RASAL1: variants seen among roughly 807,000 people sequenced by gnomAD.
The protein encoded by RASAL1 is RAS protein activator like 1.
RASAL1 carries 72 observed loss-of-function variants against 96.6 expected under a neutral mutation model. The ratio of observed to expected loss-of-function variants is 0.75; its 90% CI spans 0.62 to 0.91. The LOEUF (loss-of-function observed/expected upper bound fraction) is 0.91, where lower values mean the gene tolerates loss of function less well. Ranked by LOEUF, RASAL1 falls within the 40% of genes least tolerant of loss-of-function variation. The pLI, the probability that RASAL1 is intolerant of heterozygous loss-of-function variation, is 0.00. For missense variants in RASAL1, 1,016 were observed against 1,072.5 expected (o/e 0.95, Z 0.74); for synonymous variants, 405 against 430.4 (o/e 0.94, Z 0.73).
chr12:113,124,515 C>T, intron 4 of RASAL1, among the ~76,000 whole-genome samples: 1 of 152,302 alleles, frequency 6.6e-6, no homozygotes, highest in Non-Finnish European at 1.5e-5. Context: ...CCTCAAACTT[C>T]ACTCATTTAA....
chr12:113,116,977 T>G (rs1304158004), intron 8 of RASAL1, 96 bp downstream of exon 8: 1 of 930,716 alleles, frequency 1.1e-6, no homozygotes, highest in Non-Finnish European at 1.6e-6. Flanking sequence ...AGTGGCATAG[T>G]GATAATGTGT....
chr12:113,114,809 C>G lies in RASAL1; in HGVS notation c.1172G>C (p.Gly391Ala), dbSNP rs745371663. ...CTCAGGCTTTGCTCACCGGGTGCGG[C>G]CCAGGTCCATCTTGCAGGGATCCAG... ...MELDPCKMDL[G>A]RTRRISFKGA... is the part of the protein sequence containing the mutation. The change falls in exon 12 of 21, where the codon GGC (glycine) becomes GCC (alanine). Residue 391 changes from glycine to alanine, a missense_variant. Physicochemically the swap from Gly to Ala is moderately conservative, Grantham distance 60. Transcript: ENST00000548055. 1 of 1,613,754 alleles carries G rather than the reference C, an allele frequency of 6.2e-7. No individual in the cohort carries two copies. Among genetic ancestry groups the G allele is most frequent in the African/African-American group, 1.3e-5 (1 of 74,914 alleles).
Position 113,112,170 on chromosome 12 carries a change from CA to C in RASAL1, c.1289del (p.Val430GlyfsTer31). 3 of 1,255,598 alleles carry C rather than the reference CA, an allele frequency of 2.4e-6. No homozygotes were observed. The highest frequency in any genetic ancestry group is 3.0e-6 in the Non-Finnish European group (3 of 992,354). 77.8% of individuals were successfully genotyped at this position (1,255,598 alleles called of 1,614,324 possible). ...GPIVDAIVGS[V>X]GRCPPAMRLA... ...GGCGCATGGCGGGCGGGCAGCGCCC[CA>C]CGGAGCCCACGATGGCGTCCACGAT... On this transcript the variant is annotated frameshift_variant, in exon 13 of 21. Coordinates refer to ENST00000548055, the MANE Select transcript of RASAL1 (RefSeq NM_001301202.2). LOFTEE classifies it high-confidence loss of function.
At chr12:113,118,906 G>C (rs1399724606) in intron 7 of RASAL1, among the ~76,000 whole-genome samples, 1 of 152,122 alleles carries the variant, frequency 6.6e-6, no homozygotes, top group East Asian at 1.9e-4. Flanking sequence ...ATCTGGGCCC[G>C]TCCTGTGATC....
intron 19 of RASAL1, 69 bp from the exon 20 acceptor site, chr12:113,100,749 T>C: frequency 7.1e-7 from 1 of 1,401,056 alleles, no homozygotes; most frequent in Non-Finnish European, 1.0e-6. Context: ...CCCCAGAAAT[T>C]CTCTGAGAAA....
At chr12:113,103,480 C>A (rs1427368379) in intron 18 of RASAL1, among the ~76,000 whole-genome samples, 2 of 152,000 alleles carry the variant, frequency 1.3e-5, no homozygotes, top group African/African-American at 4.8e-5. Flanking sequence ...GTGGTACGCA[C>A]CTATAAACCC....
intron 12 of RASAL1, 33 bp from the exon 13 acceptor site, chr12:113,112,311 G>C: frequency 4.0e-6 from 5 of 1,248,880 alleles, no homozygotes; most frequent in Non-Finnish European, 5.1e-6. Context: ...TCAGCCTCGG[G>C]GCACAACATC....
At chr12:113,101,682 C>T (rs900244063) in intron 19 of RASAL1, among the ~76,000 whole-genome samples, 1 of 121,724 alleles carries the variant, frequency 8.2e-6, no homozygotes, top group Non-Finnish European at 2.0e-5. Context: ...GATCCCAAGA[C>T]CCAGTTCTGC....
chr12:113,126,353 C>A (rs1297360784), intron 4 of RASAL1, among the ~76,000 whole-genome samples: 1 of 151,838 alleles, frequency 6.6e-6, no homozygotes, highest in Non-Finnish European at 1.5e-5. Context: ...TAAAAGGCTG[C>A]AATTTGTATA....
rs747988074 is a variant in RASAL1, at chr12:113,104,287, G to A, written c.1842C>T (p.Ser614=). 1.9e-6 allele frequency: 3 copies of A among 1,571,502 alleles called. No homozygotes were observed. Among genetic ancestry groups the A allele is most frequent in the Non-Finnish European group, 2.6e-6 (3 of 1,158,338 alleles). The change falls in exon 17 of 21, where the codon TCC becomes TCT. Residue 614 remains serine (S), a synonymous_variant. Transcript: ENST00000548055. ...CGGCGCGGATGTGAGACACGGGGATGGAGTGACACATCTGGGGAAGAGGAT... is the reference window on the plus strand; with the variant it reads ...CGGCGCGGATGTGAGACACGGGGATAGAGTGACACATCTGGGGAAGAGGAT... ...SKSPEWQMCH[S]IPVSHIRAVE... is the part of the protein sequence containing the mutation.
chr12:113,118,905 C>G (rs759657276), intron 7 of RASAL1, among the ~76,000 whole-genome samples: 1 of 152,136 alleles, frequency 6.6e-6, no homozygotes, highest in Non-Finnish European at 1.5e-5. Context: ...AATCTGGGCC[C>G]GTCCTGTGAT....
At chr12:113,101,813 G>A in intron 19 of RASAL1, 76 bp downstream of exon 19, 2 of 1,525,522 alleles carry the variant, frequency 1.3e-6, no homozygotes, top group Middle Eastern at 2.0e-4. Context: ...ATGAATAAAT[G>A]GACACAGCAA....
At position 113,131,971 on chromosome 12, in the gene RASAL1, T is replaced by C. The variant is rs867463784; in HGVS notation, c.66-1030A>G. Among the ~76,000 whole-genome samples the C allele has an allele frequency of 4.5e-3, 584 of 130,300 alleles. 2 individuals are homozygous for C. The highest frequency in any genetic ancestry group is 0.015 in the Middle Eastern group (4 of 264). The allele number at this position is 130,300 out of a possible 152,430, so 85.5% of individuals were successfully genotyped here. On this transcript the variant is annotated intron_variant, in intron 1 of 20. Transcript: ENST00000548055. ...CTTCTTTCTTCTTCTTCTTCTTCTT[T>C]TTTTTTTTTTTTTTTTTTGAGACAG...
rs138494388 is a variant in RASAL1 at position 113,114,410 on chromosome 12, G to A, written c.1181+390C>T. 3.4e-3 allele frequency among the ~76,000 whole-genome samples: 511 copies of A among 150,938 alleles called. 2 individuals carry two copies. The highest frequency in any genetic ancestry group is 0.012 in the African/African-American group (493 of 41,024). On this transcript the variant is annotated intron_variant, in intron 12 of 20. Transcript: ENST00000548055. ...AATTACCTGAGCCCGGGAAGTTGAC[G>A]CTGCAGTGAGCTGTGGTCACACCAC...
chr12:113,119,912 G>A (rs1206940003), intron 5 of RASAL1, among the ~76,000 whole-genome samples: 6 of 152,148 alleles, frequency 3.9e-5, no homozygotes, highest in African/African-American at 4.8e-5. Flanking sequence ...TCATAGAGCC[G>A]AGGGTTAGAT....
rs866060088 is a variant in RASAL1 at position 113,126,692 on chromosome 12, A to T, written c.298+1120T>A. 7.8e-3 allele frequency among the ~76,000 whole-genome samples: 1,052 copies of T among 134,154 alleles called. 15 individuals carry two copies. The highest frequency in any genetic ancestry group is 0.03 in the African/African-American group (950 of 31,416). 88.0% of individuals were successfully genotyped at this position (134,154 alleles called of 152,430 possible). ...ATGAGACACTGTCTCTCTCTCTCAC[A>T]CACACACACACACACACACACACAC... On this transcript the variant is annotated intron_variant, in intron 4 of 20. Coordinates refer to ENST00000548055, the MANE Select transcript of RASAL1 (RefSeq NM_001301202.2).
At chr12:113,102,143 C>T (rs759723322) in intron 18 of RASAL1, 134 bp from the exon 19 acceptor site, 9 of 1,107,082 alleles carry the variant, frequency 8.1e-6, no homozygotes, top group East Asian at 2.5e-5. Context: ...AGGCCACACA[C>T]GGTGGCTCAT....
In RASAL1 at chr12:113,104,011, G is replaced by T; in HGVS notation, c.2039C>A (p.Ala680Asp). Residue 680 changes from alanine (A) to aspartate (D), a missense_variant, in exon 18 of 21, where the codon GCC (alanine) becomes GAC (aspartate). Ala to Asp is a moderately radical substitution (Grantham distance 126). Coordinates refer to ENST00000548055, the MANE Select transcript of RASAL1 (RefSeq NM_001301202.2). ...GCGGAAGGCACCGGGGTGGCAGGCG[G>T]CCAGCTTGTTCGGGTTGGGGGCGCT... ...KASAPNPNKL[A>D]ACHPGAFRSA... 6.4e-7 allele frequency: 1 copy of T among 1,573,598 alleles called. No homozygotes were observed.
At chr12:113,100,253 G>A (rs1950394037) in intron 20 of RASAL1, among the ~76,000 whole-genome samples, 185 bp from the exon 21 acceptor site, 1 of 152,244 alleles carries the variant, frequency 6.6e-6, no homozygotes, top group South Asian at 2.1e-4. Context: ...ACAGGAGACA[G>A]TGGGGAAGTG....
Sources: allele counts gnomAD v4.1 joint callset (sites outside exome capture counted in the v4.1 genomes callset), GRCh38; gene constraint gnomAD v4.1.1; transcripts MANE v1.5; gene names NCBI Gene and HGNC (gene_info 2026-07-23, HGNC 2026-07-21).